Variants in ATP11B observed in about 807,000 individuals in gnomAD.
ATP11B encodes the protein phospholipid-transporting ATPase IF.
A neutral mutation model predicts 157.8 loss-of-function variants in ATP11B; 81 were observed. The ratio of observed to expected loss-of-function variants is 0.51; its 90% CI spans 0.43 to 0.62. ATP11B has a LOEUF of 0.62. Among genes scored for constraint, ATP11B ranks in the 20% least tolerant of loss-of-function variants. ATP11B has a pLI of 0.00. For missense variants in ATP11B, 1,165 were observed against 1,402.2 expected (o/e 0.83, Z 2.70); for synonymous variants, 451 against 469.4 (o/e 0.96, Z 0.51).
chr3:182,851,770 C>G (rs1046495386), intron 10 of ATP11B, among the ~76,000 whole-genome samples: 37 of 152,060 alleles, frequency 2.4e-4, no homozygotes, highest in African/African-American at 8.7e-4. Flanking sequence ...GAATAGAAAA[C>G]AAATAGCAAA....
Position 182,896,871 on chromosome 3 carries a change from C to T in ATP11B, c.3048+106C>T, listed in dbSNP as rs568784196. 2.3e-4 allele frequency: 168 copies of T among 742,114 alleles called. No individual in the cohort carries two copies. In the African/African-American group the frequency reaches 2.6e-3, roughly 12 times the overall value. The allele number at this position is 742,114 out of a possible 1,614,324, so 46.0% of individuals were successfully genotyped here. On this transcript the variant is annotated intron_variant, in intron 26 of 29. Coordinates refer to ENST00000323116, the MANE Select transcript of ATP11B (RefSeq NM_014616.3). ...TAGATACTTTCCCTTTTTCCATTTT[C>T]AATAACGATTAATTTCACTGGTTAC...
intron 28 of ATP11B, among the ~76,000 whole-genome samples, chr3:182,907,793 A>AT (rs1260451179): frequency 6.6e-6 from 1 of 152,220 alleles, no homozygotes; most frequent in African/African-American, 2.4e-5. Flanking sequence ...GTCCCCACAC[A>AT]TTTAAGTTCT....
intron 7 of ATP11B, 65 bp downstream of exon 7, chr3:182,837,239 A>G: frequency 5.1e-6 from 6 of 1,182,506 alleles, no homozygotes; most frequent in African/African-American, 3.1e-5. Context: ...TTAAATAACC[A>G]TAAACATAAA....
Position 182,898,651 on chromosome 3 carries a change from T to A in ATP11B, c.3197T>A (p.Leu1066His). ...SQNMYFVFIQLLSSGSAWFAI... is the reference protein window; with the variant it reads ...SQNMYFVFIQHLSSGSAWFAI... ...AATATGTATTTTGTGTTTATTCAGC[T>A]CCTGTCAAGTGGTTCTGCTTGGTTT... The change falls in exon 28 of 30, where the codon CTC becomes CAC. Residue 1066 changes from leucine to histidine, a missense_variant. By Grantham distance (99) the Leu-to-His change is moderately conservative. Around this residue, in one of 4 missense-constraint regions of ATP11B, gnomAD observed 303 missense variants for 296.3 expected, o/e 1.02. Coordinates refer to ENST00000323116, the MANE Select transcript of ATP11B (RefSeq NM_014616.3). 6.2e-7 allele frequency: 1 copy of A among 1,609,068 alleles called. No individual in the cohort carries two copies.
intron 7 of ATP11B, 47 bp downstream of exon 7, chr3:182,837,221 C>G (rs773475967): frequency 7.7e-7 from 1 of 1,306,980 alleles, no homozygotes; most frequent in African/African-American, 1.5e-5. Context: ...TATTTACAGA[C>G]CTCATTTTTA....
chr3:182,823,016 C>T (rs910020547), intron 2 of ATP11B, among the ~76,000 whole-genome samples: 3 of 152,008 alleles, frequency 2.0e-5, no homozygotes, highest in Non-Finnish European at 4.4e-5. Context: ...GGATATTAGC[C>T]CTTTGTCAGA....
rs985881994 is a variant in ATP11B at position 182,921,622 on chromosome 3, CTATA to C, written c.*3521_*3524del. The stretch of plus-strand genomic sequence containing the variant: ...TTATATTTATCAAATAAAAACTTTC[CTATA>C]TAATTAAAAGTGTTCCTTTATTTAA... On this transcript the variant is annotated 3_prime_UTR_variant, in exon 30 of 30. Transcript: ENST00000323116. 4 of 152,022 alleles carry C rather than the reference CTATA, an allele frequency of 2.6e-5. No homozygotes were observed. Among genetic ancestry groups the C allele is most frequent in the Non-Finnish European group, 5.9e-5 (4 of 67,960 alleles). 9.4% of individuals were successfully genotyped at this position (152,022 alleles called of 1,614,324 possible).
chr3:182,865,434 CTTTTG>C lies in ATP11B; in HGVS notation c.1201-17_1201-13del, dbSNP rs1560097689. On this transcript the variant is annotated splice_polypyrimidine_tract_variant and intron_variant, in intron 12 of 29. Transcript: ENST00000323116. ...GACCATGAACACAAAGGTTTATTTT[CTTTTG>C]TTTTCTATCTCTATAGGTAGAGTAC... The C allele has an allele frequency of 2.5e-6, 4 of 1,603,750 alleles. No individual in the cohort carries two copies. Among genetic ancestry groups the C allele is most frequent in the Non-Finnish European group, 3.4e-6 (4 of 1,175,352 alleles).
At chr3:182,891,543 T>C (rs1184579755) in intron 25 of ATP11B, among the ~76,000 whole-genome samples, 2 of 152,218 alleles carry the variant, frequency 1.3e-5, no homozygotes, top group Non-Finnish European at 2.9e-5. Context: ...AAGAACATTT[T>C]TCATGATTAC....
chr3:182,858,344 G>A (rs1720584100), intron 11 of ATP11B, among the ~76,000 whole-genome samples: 1 of 152,102 alleles, frequency 6.6e-6, no homozygotes, highest in Non-Finnish European at 1.5e-5. Flanking sequence ...CACTTACTGT[G>A]TCTTATAAAT....
intron 28 of ATP11B, among the ~76,000 whole-genome samples, chr3:182,905,122 T>C (rs576905526): frequency 1.2e-4 from 18 of 152,144 alleles, no homozygotes; most frequent in Non-Finnish European, 2.2e-4. Context: ...TAATTATTGG[T>C]CAGTCTTAAT....
intron 8 of ATP11B, 47 bp downstream of exon 8, chr3:182,842,169 T>C (rs1156263979): frequency 1.5e-6 from 2 of 1,362,646 alleles, no homozygotes; most frequent in South Asian, 1.2e-5. Context: ...TGGGAACTGT[T>C]TGGGGGAGGG....
intron 7 of ATP11B, among the ~76,000 whole-genome samples, chr3:182,837,706 C>G (rs1718662625): frequency 6.6e-6 from 1 of 151,910 alleles, no homozygotes; most frequent in Non-Finnish European, 1.5e-5. Context: ...AACTATTATT[C>G]ATCTTATTAT....
chr3:182,906,862 G>A (rs144878833), intron 28 of ATP11B, among the ~76,000 whole-genome samples: 1 of 151,978 alleles, frequency 6.6e-6, no homozygotes, highest in African/African-American at 2.4e-5. Context: ...GCTGAGGCGG[G>A]TGGATCATGA....
At chr3:182,852,725 T>C (rs1004618342) in intron 10 of ATP11B, among the ~76,000 whole-genome samples, 5 of 152,202 alleles carry the variant, frequency 3.3e-5, no homozygotes, top group African/African-American at 1.2e-4. Context: ...AAGTGTAAGA[T>C]CTAAGCATAA....
chr3:182,876,962 T>G (rs1161932615), intron 19 of ATP11B, among the ~76,000 whole-genome samples: 1 of 152,228 alleles, frequency 6.6e-6, no homozygotes, highest in African/African-American at 2.4e-5. Flanking sequence ...TCACAGACTT[T>G]CAGGAAGTAT....
At chr3:182,808,931 T>A (rs909111763) in intron 1 of ATP11B, among the ~76,000 whole-genome samples, 1 of 152,278 alleles carries the variant, frequency 6.6e-6, no homozygotes, top group East Asian at 1.9e-4. Context: ...TCCCTAATGT[T>A]CTTTTTCTGG....
chr3:182,871,672 GTC>G (rs1420658931), intron 17 of ATP11B, among the ~76,000 whole-genome samples: 1 of 152,100 alleles, frequency 6.6e-6, no homozygotes, highest in Non-Finnish European at 1.5e-5. Flanking sequence ...ACCTGCAGCT[GTC>G]TCTCTCTCTT....
intron 7 of ATP11B, among the ~76,000 whole-genome samples, chr3:182,841,389 C>T (rs1423966778): frequency 6.6e-6 from 1 of 152,172 alleles, no homozygotes; most frequent in African/African-American, 2.4e-5. Context: ...AGAACAGTAT[C>T]TGTCATCTTG....
Sources: gnomAD v4.1 joint callset for allele counts (sites outside exome capture counted in the v4.1 genomes callset) on GRCh38, gnomAD v4.1.1 for gene constraint, gnomAD v4.1.1 regional missense constraint, MANE v1.5 for transcripts, NCBI Gene and HGNC (gene_info 2026-07-23, HGNC 2026-07-21) for gene names.